DOK6: variants seen among roughly 807,000 people sequenced by gnomAD.
DOK6 encodes downstream of tyrosine kinase 6.
DOK6 carries 22 observed loss-of-function variants against 44.0 expected under a neutral mutation model. The ratio of observed to expected loss-of-function variants is 0.50; its 90% CI spans 0.36 to 0.71. DOK6 has a LOEUF of 0.71. DOK6 is among the 30% of genes least tolerant of loss of function. DOK6 has a pLI of 0.00. For synonymous variants in DOK6, 166 were observed against 145.5 expected (o/e 1.14, Z -1.01); for missense variants, 340 against 416.4 (o/e 0.82, Z 1.60).
chr18:69,656,808 G>A (rs1381785160), intron 3 of DOK6, among the ~76,000 whole-genome samples: 1 of 152,178 alleles, frequency 6.6e-6, no homozygotes, highest in Non-Finnish European at 1.5e-5. Context: ...CTGCAGAAGA[G>A]TGAGTGTGGG....
chr18:69,687,941 C>T (rs910083883), intron 4 of DOK6, among the ~76,000 whole-genome samples: 25 of 152,042 alleles, frequency 1.6e-4, no homozygotes, highest in African/African-American at 6.0e-4. Flanking sequence ...ACTCGGAAAA[C>T]CCTAAAATTC....
chr18:69,695,629 G>A (rs993411618), intron 4 of DOK6, among the ~76,000 whole-genome samples: 3 of 152,220 alleles, frequency 2.0e-5, no homozygotes, highest in East Asian at 1.9e-4. Context: ...TCATTATAAC[G>A]GAATTCGGTT....
rs114375433 is a variant in DOK6 at position 69,688,018 on chromosome 18, A to G, written c.409+10165A>G. 9.9e-3 allele frequency among the ~76,000 whole-genome samples: 1,507 copies of G among 152,262 alleles called. 22 individuals are homozygous for G. The highest frequency in any genetic ancestry group is 0.034 in the African/African-American group (1,402 of 41,562). On this transcript the variant is annotated intron_variant, in intron 4 of 7. Coordinates refer to ENST00000382713, the MANE Select transcript of DOK6 (RefSeq NM_152721.6). ...TTGCAGGATAACAAGTTGGTATTCA[A>G]ATTTTTAAATATATACTTCTATTTC...
At chr18:69,465,759 A>G (rs1411239807) in intron 1 of DOK6, among the ~76,000 whole-genome samples, 1 of 152,110 alleles carries the variant, frequency 6.6e-6, no homozygotes, top group Non-Finnish European at 1.5e-5. Flanking sequence ...TAGTGCCGCA[A>G]TAAACATACG....
chr18:69,675,833 T>C (rs1187746739), intron 3 of DOK6, among the ~76,000 whole-genome samples: 2 of 152,228 alleles, frequency 1.3e-5, no homozygotes, highest in African/African-American at 4.8e-5. Context: ...CTTATATATC[T>C]AATAAAAGTA....
At chr18:69,548,048 G>T (rs1982455183) in intron 1 of DOK6, among the ~76,000 whole-genome samples, 1 of 150,438 alleles carries the variant, frequency 6.6e-6, no homozygotes, top group African/African-American at 2.4e-5. Flanking sequence ...CCACCTCCCA[G>T]GTTCACTCCA....
Position 69,588,468 on chromosome 18 carries a change from G to A in DOK6, c.175-10916G>A, listed in dbSNP as rs572213744. On this transcript the variant is annotated intron_variant, in intron 2 of 7. Coordinates refer to ENST00000382713, the MANE Select transcript of DOK6 (RefSeq NM_152721.6). ...TAGCATTTCTTAGTTATGACATTCC[G>A]ATAGGGCAGCAGCACTAGAGAGGAA... 2.6e-5 allele frequency among the ~76,000 whole-genome samples: 4 copies of A among 152,166 alleles called. No individual in the cohort carries two copies. The East Asian group carries it at 7.7e-4, about 29-fold the overall frequency.
chr18:69,427,975 A>C (rs1179368419), intron 1 of DOK6, among the ~76,000 whole-genome samples: 1 of 152,000 alleles, frequency 6.6e-6, no homozygotes, highest in Admixed American at 6.6e-5. Context: ...ATGGGGTTTT[A>C]ATATGTTGGC....
intron 3 of DOK6, among the ~76,000 whole-genome samples, chr18:69,601,649 T>C (rs951388118): frequency 2.6e-5 from 4 of 152,220 alleles, no homozygotes; most frequent in Admixed American, 6.5e-5. Flanking sequence ...CCCTGGTGCG[T>C]TGGCTTAACA....
intron 7 of DOK6, among the ~76,000 whole-genome samples, chr18:69,768,726 A>G (rs997051206): frequency 6.6e-6 from 1 of 151,594 alleles, no homozygotes; most frequent in African/African-American, 2.4e-5. Flanking sequence ...AATAAACTGC[A>G]GAGTTGATGT....
intron 4 of DOK6, among the ~76,000 whole-genome samples, chr18:69,681,690 G>A (rs902212140): frequency 6.6e-6 from 1 of 152,180 alleles, no homozygotes. Context: ...TAGTATTTAA[G>A]ATAGCCTATA....
At chr18:69,754,002 T>C (rs988995277) in intron 6 of DOK6, among the ~76,000 whole-genome samples, 7 of 152,170 alleles carry the variant, frequency 4.6e-5, no homozygotes, top group African/African-American at 1.2e-4. Flanking sequence ...AGTTGCCTTA[T>C]ATATTTTGTT....
chr18:69,562,685 A>T (rs1982866062), intron 1 of DOK6, among the ~76,000 whole-genome samples: 1 of 152,198 alleles, frequency 6.6e-6, no homozygotes, highest in African/African-American at 2.4e-5. Flanking sequence ...CAGACCTAAA[A>T]CCATAAAAAC....
chr18:69,593,021 T>C (rs1228608959), intron 2 of DOK6, among the ~76,000 whole-genome samples: 1 of 152,150 alleles, frequency 6.6e-6, no homozygotes, highest in Non-Finnish European at 1.5e-5. Context: ...TTCAAATACA[T>C]TAGATCTTGT....
chr18:69,459,187 TTGTGTGTGTGTGTGTGTG>T (rs71176967), intron 1 of DOK6, among the ~76,000 whole-genome samples: 31 of 136,972 alleles, frequency 2.3e-4, no homozygotes, highest in South Asian at 7.4e-4. Context: ...AAAAAATATT[TTGTGTGTGTGTGTGTGTG>T]TGTGTGTGTG....
intron 4 of DOK6, among the ~76,000 whole-genome samples, chr18:69,696,732 G>A (rs965020775): frequency 1.3e-5 from 2 of 152,140 alleles, no homozygotes; most frequent in African/African-American, 4.8e-5. Context: ...TGTTTTATAT[G>A]AGATCATGCC....
At chr18:69,406,762 C>A (rs1223841886) in intron 1 of DOK6, among the ~76,000 whole-genome samples, 1 of 152,108 alleles carries the variant, frequency 6.6e-6, no homozygotes, top group African/African-American at 2.4e-5. Flanking sequence ...TATTTTGGAT[C>A]AGTATAAAAT....
At chr18:69,517,187 A>AGAG (rs909486714) in intron 1 of DOK6, among the ~76,000 whole-genome samples, 5 of 152,340 alleles carry the variant, frequency 3.3e-5, no homozygotes, top group African/African-American at 1.2e-4. Flanking sequence ...AAGTCAGAAT[A>AGAG]GAGTCAAAGC....
chr18:69,768,634 C>T (rs1352586510), intron 7 of DOK6, among the ~76,000 whole-genome samples: 3 of 148,970 alleles, frequency 2.0e-5, no homozygotes, highest in Non-Finnish European at 4.5e-5. Context: ...CAGAATACGG[C>T]AGAGACTTGA....
Sources: allele counts gnomAD v4.1 joint callset (sites outside exome capture counted in the v4.1 genomes callset), GRCh38; gene constraint gnomAD v4.1.1; transcripts MANE v1.5; gene names NCBI Gene and HGNC (gene_info 2026-07-23, HGNC 2026-07-21).